Variants in MBD5 observed in about 807,000 individuals in gnomAD.
MBD5 encodes the protein methyl-CpG-binding domain protein 5.
A neutral mutation model predicts 117.3 loss-of-function variants in MBD5; 13 were observed. The ratio of observed to expected loss-of-function variants is 0.11; its 90% CI spans 0.07 to 0.18. The LOEUF is 0.18. MBD5 is among the 10% of genes least tolerant of loss of function. MBD5 has a pLI of 1.00. For synonymous variants in MBD5, 727 were observed against 766.4 expected (o/e 0.95, Z 0.85); for missense variants, 1,879 against 2,093.8 (o/e 0.90, Z 2.00).
At position 148,513,465 on chromosome 2, in the gene MBD5, T is replaced by C. The variant is rs1436176203; in HGVS notation, c.*524T>C. ...AAAATACAACCTAAATGCTTTTCTA[T>C]GATAATGTAAAAGATGCTGTTTTTG... On this transcript the variant is annotated 3_prime_UTR_variant, in exon 14 of 14. Coordinates refer to ENST00000642680, the MANE Select transcript of MBD5 (RefSeq NM_001378120.1). 2 of 159,012 alleles carry C rather than the reference T, an allele frequency of 1.3e-5. No homozygotes were observed. The highest frequency in any genetic ancestry group is 4.8e-5 in the African/African-American group (2 of 41,472). 9.9% of individuals were successfully genotyped at this position (159,012 alleles called of 1,614,324 possible).
intron 3 of MBD5, among the ~76,000 whole-genome samples, chr2:148,260,211 T>C (rs1254660512): frequency 1.3e-5 from 2 of 152,256 alleles, no homozygotes; most frequent in African/African-American, 4.8e-5. Context: ...ACCCTGCTGC[T>C]GCTTTATCTA....
chr2:148,104,905 G>A (rs1207014797), intron 1 of MBD5, among the ~76,000 whole-genome samples: 1 of 151,780 alleles, frequency 6.6e-6, no homozygotes, highest in Non-Finnish European at 1.5e-5. Flanking sequence ...TAATATAATA[G>A]GATATTATAA....
At chr2:148,217,070 C>T (rs540661737) in intron 2 of MBD5, among the ~76,000 whole-genome samples, 1 of 152,270 alleles carries the variant, frequency 6.6e-6, no homozygotes, top group South Asian at 2.1e-4. Flanking sequence ...TACAATCTGG[C>T]AAATTAAAAA....
At chr2:148,418,516 T>C (rs1444000510) in intron 4 of MBD5, among the ~76,000 whole-genome samples, 1 of 152,194 alleles carries the variant, frequency 6.6e-6, no homozygotes, top group East Asian at 1.9e-4. Context: ...AAAAAATGTA[T>C]TTAGCAAAGT....
intron 3 of MBD5, among the ~76,000 whole-genome samples, chr2:148,276,743 GAAGT>G (rs773668603): frequency 1.3e-4 from 19 of 151,932 alleles, no homozygotes; most frequent in Non-Finnish European, 1.3e-4. Flanking sequence ...AGATTTTTTT[GAAGT>G]AATTTTCTCT....
chr2:148,265,755 A>G (rs1015374551), intron 3 of MBD5, among the ~76,000 whole-genome samples: 2 of 152,256 alleles, frequency 1.3e-5, no homozygotes, highest in South Asian at 4.1e-4. Context: ...AATTTGATAG[A>G]TGAAAAGTAG....
At chr2:148,461,631 T>C (rs959175367) in intron 5 of MBD5, among the ~76,000 whole-genome samples, 1 of 152,190 alleles carries the variant, frequency 6.6e-6, no homozygotes, top group African/African-American at 2.4e-5. Context: ...AAAGATATTC[T>C]CAAGTGAAAA....
At chr2:148,032,659 T>C (rs181579633) in intron 1 of MBD5, among the ~76,000 whole-genome samples, 13 of 152,294 alleles carry the variant, frequency 8.5e-5, no homozygotes, top group African/African-American at 3.1e-4. Flanking sequence ...CCTTTATCCT[T>C]AGGTTTAATA....
intron 1 of MBD5, among the ~76,000 whole-genome samples, chr2:148,112,697 A>G (rs987615310): frequency 6.6e-6 from 1 of 152,152 alleles, no homozygotes; most frequent in African/African-American, 2.4e-5. Context: ...ATTTAAATCT[A>G]ATTCCCACCA....
At chr2:148,029,738 T>C (rs1234412956) in intron 1 of MBD5, among the ~76,000 whole-genome samples, 1 of 152,206 alleles carries the variant, frequency 6.6e-6, no homozygotes, top group South Asian at 2.1e-4. Context: ...TATGTTACAT[T>C]GGTTTCTTTT....
intron 3 of MBD5, among the ~76,000 whole-genome samples, chr2:148,295,282 C>T (rs1019827887): frequency 6.6e-6 from 1 of 152,160 alleles, no homozygotes; most frequent in African/African-American, 2.4e-5. Context: ...AATCTATCAT[C>T]GTGTTCACTG....
intron 8 of MBD5, among the ~76,000 whole-genome samples, chr2:148,475,875 CATAA>C (rs1490458011): frequency 7.9e-5 from 12 of 152,078 alleles, no homozygotes; most frequent in African/African-American, 2.4e-4. Context: ...TAATTCAAAT[CATAA>C]ATAAAATTCT....
intron 3 of MBD5, among the ~76,000 whole-genome samples, chr2:148,334,775 T>C (rs1702744995): frequency 6.6e-6 from 1 of 152,212 alleles, no homozygotes; most frequent in South Asian, 2.1e-4. Context: ...TGTTGTGAAG[T>C]TTCTTCTTTT....
At chr2:148,235,610 G>A (rs1700075501) in intron 3 of MBD5, among the ~76,000 whole-genome samples, 1 of 152,146 alleles carries the variant, frequency 6.6e-6, no homozygotes, top group Non-Finnish European at 1.5e-5. Flanking sequence ...AATGCTACAG[G>A]CATACCTCAG....
intron 7 of MBD5, among the ~76,000 whole-genome samples, chr2:148,465,590 A>G (rs1707235714): frequency 6.6e-6 from 1 of 152,156 alleles, no homozygotes; most frequent in Non-Finnish European, 1.5e-5. Flanking sequence ...GTCTTAGAAA[A>G]TAGTAGGATT....
chr2:148,364,635 G>A (rs1257986156), intron 4 of MBD5, among the ~76,000 whole-genome samples: 1 of 152,114 alleles, frequency 6.6e-6, no homozygotes, highest in Non-Finnish European at 1.5e-5. Flanking sequence ...CAGAATAAAG[G>A]GATGGAGGAA....
At chr2:148,237,232 A>T (rs761827060) in intron 3 of MBD5, among the ~76,000 whole-genome samples, 49 of 152,160 alleles carry the variant, frequency 3.2e-4, no homozygotes, top group Admixed American at 3.3e-4. Flanking sequence ...AGCACTTTTA[A>T]TTTGCTTCAA....
chr2:148,400,891 T>G (rs1167068642), intron 4 of MBD5, among the ~76,000 whole-genome samples: 2 of 152,204 alleles, frequency 1.3e-5, no homozygotes, highest in African/African-American at 4.8e-5. Flanking sequence ...GTCTTCATCC[T>G]AGTTAATGGA....
intron 3 of MBD5, among the ~76,000 whole-genome samples, chr2:148,311,329 C>A (rs1438730666): frequency 6.6e-6 from 1 of 152,174 alleles, no homozygotes; most frequent in Non-Finnish European, 1.5e-5. Flanking sequence ...TCTCTCAGTG[C>A]TCCTGTTATT....
Sources: gnomAD v4.1 joint callset for allele counts (sites outside exome capture counted in the v4.1 genomes callset) on GRCh38, gnomAD v4.1.1 for gene constraint, MANE v1.5 for transcripts, NCBI Gene and HGNC (gene_info 2026-07-23, HGNC 2026-07-21) for gene names.